The following SDK1 variants were observed in gnomAD, a reference collection of about 807,000 sequenced individuals.
SDK1 encodes protein sidekick-1.
Under a neutral mutation model 245.5 loss-of-function variants are expected in SDK1, and 157 were observed. That is an observed-to-expected ratio of 0.64 (90% CI 0.56 to 0.73). SDK1 has a LOEUF of 0.73. Ranked by LOEUF, SDK1 falls within the 30% of genes least tolerant of loss-of-function variation. SDK1 has a pLI of 0.00. For missense variants in SDK1, 3,583 were observed against 3,002.3 expected (o/e 1.19, Z -4.52); for synonymous variants, 1,647 against 1,278.5 (o/e 1.29, Z -6.15).
At chr7:4,186,894 T>A (rs1428438251) in intron 35 of SDK1, among the ~76,000 whole-genome samples, 1 of 152,166 alleles carries the variant, frequency 6.6e-6, no homozygotes, top group Non-Finnish European at 1.5e-5. Context: ...CTCCAGTTCT[T>A]GCCCTGTGCT....
In SDK1 at chr7:3,974,435, G is replaced by A. The variant is rs1782741962; in HGVS notation, c.1884G>A (p.Lys628=). 6.2e-7 allele frequency: 1 copy of A among 1,614,052 alleles called. No homozygotes were observed. Among genetic ancestry groups the A allele is most frequent in the African/African-American group, 1.3e-5 (1 of 74,906 alleles). ...GCACGTCTAGGATCGTGGTGGAGAA[G>A]GACGGGTCCCTTCTCATCAGCCAGA... ...PSSTSRIVVE[K]DGSLLISQTW... is the part of the protein sequence containing the mutation. Residue 628 remains lysine (K), a synonymous_variant, in exon 13 of 45, where the codon AAG becomes AAA. Transcript: ENST00000404826.
chr7:3,895,570 C>T (rs957167988), intron 5 of SDK1, among the ~76,000 whole-genome samples: 1 of 152,220 alleles, frequency 6.6e-6, no homozygotes, highest in East Asian at 1.9e-4. Context: ...ATGAGGAAGA[C>T]AAGAAGCAAC....
intron 35 of SDK1, among the ~76,000 whole-genome samples, chr7:4,189,538 C>G (rs1244741641): frequency 6.6e-6 from 1 of 152,176 alleles, no homozygotes; most frequent in Non-Finnish European, 1.5e-5. Flanking sequence ...CAGACAGATA[C>G]CCATGCTCAG....
intron 4 of SDK1, among the ~76,000 whole-genome samples, chr7:3,716,788 A>C (rs1449311745): frequency 6.6e-6 from 1 of 151,858 alleles, no homozygotes; most frequent in Non-Finnish European, 1.5e-5. Context: ...AAAAAAGAAA[A>C]AGGAAAAATC....
At chr7:3,432,671 T>G (rs1779890791) in intron 1 of SDK1, among the ~76,000 whole-genome samples, 3 of 152,186 alleles carry the variant, frequency 2.0e-5, no homozygotes, top group Non-Finnish European at 4.4e-5. Flanking sequence ...GTTTGCTGTC[T>G]TCCCAGTGTA....
intron 1 of SDK1, among the ~76,000 whole-genome samples, chr7:3,403,870 A>AT (rs1562466267): frequency 1.3e-4 from 11 of 84,704 alleles, no homozygotes; most frequent in Admixed American, 2.6e-4. Flanking sequence ...TATATATATA[A>AT]TATATATATT....
chr7:3,359,682 G>A (rs372333884), intron 1 of SDK1, among the ~76,000 whole-genome samples: 15 of 152,268 alleles, frequency 9.9e-5, no homozygotes, highest in East Asian at 7.7e-4. Flanking sequence ...CCCGGGTGGC[G>A]CGCTGTGAGG....
intron 4 of SDK1, among the ~76,000 whole-genome samples, chr7:3,666,447 C>G (rs551973219): frequency 6.6e-6 from 1 of 152,308 alleles, no homozygotes; most frequent in South Asian, 2.1e-4. Flanking sequence ...TCATCACTTT[C>G]TCTGAGACCA....
At chr7:4,154,163 A>C (rs1780574993) in intron 30 of SDK1, among the ~76,000 whole-genome samples, 2 of 152,202 alleles carry the variant, frequency 1.3e-5, no homozygotes, top group Non-Finnish European at 1.5e-5. Context: ...GTGGAACTTA[A>C]GCTATGTCCT....
At chr7:3,719,252 T>C (rs1213480200) in intron 4 of SDK1, among the ~76,000 whole-genome samples, 1 of 151,928 alleles carries the variant, frequency 6.6e-6, no homozygotes, top group Non-Finnish European at 1.5e-5. Flanking sequence ...AGGTTTTTTT[T>C]TTTTTTTTTT....
intron 2 of SDK1, among the ~76,000 whole-genome samples, chr7:3,637,190 C>T (rs1038988422): frequency 1.3e-4 from 20 of 152,140 alleles, no homozygotes; most frequent in Middle Eastern, 3.4e-3. Context: ...CTCCGCCTCC[C>T]GAGTTCAAGT....
intron 17 of SDK1, among the ~76,000 whole-genome samples, chr7:4,041,288 C>CTTTT (rs58871072): frequency 0.19 from 26,549 of 141,706 alleles, 3,129 homozygotes; most frequent in African/African-American, 0.34. Flanking sequence ...TTTTGTTTTA[C>CTTTT]TTTTTTTTTT....
At chr7:3,996,061 C>G (rs1784675160) in intron 14 of SDK1, among the ~76,000 whole-genome samples, 3 of 150,428 alleles carry the variant, frequency 2.0e-5, no homozygotes, top group Admixed American at 2.0e-4. Flanking sequence ...ATATTTAACT[C>G]TCTAATTTTT....
intron 41 of SDK1, among the ~76,000 whole-genome samples, chr7:4,234,714 G>T (rs1786037424): frequency 6.6e-6 from 1 of 152,186 alleles, no homozygotes. Context: ...CCCAGACAGT[G>T]ACTTCCGTGG....
chr7:3,355,686 C>CGGGT (rs1157175982), intron 1 of SDK1, among the ~76,000 whole-genome samples: 1 of 152,186 alleles, frequency 6.6e-6, no homozygotes, highest in East Asian at 1.9e-4. Context: ...TTCCTGCAGA[C>CGGGT]ACCCGTCATT....
intron 1 of SDK1, among the ~76,000 whole-genome samples, chr7:3,543,547 A>G (rs1779116964): frequency 1.3e-5 from 2 of 152,228 alleles, no homozygotes; most frequent in African/African-American, 4.8e-5. Context: ...GGGAATAAGG[A>G]TGACACATAG....
intron 40 of SDK1, among the ~76,000 whole-genome samples, chr7:4,227,790 C>T (rs1286664519): frequency 2.0e-5 from 3 of 152,200 alleles, no homozygotes; most frequent in South Asian, 2.1e-4. Context: ...CGACGTGCTG[C>T]GCTGGGCTCC....
intron 35 of SDK1, among the ~76,000 whole-genome samples, chr7:4,201,514 T>C (rs1188091177): frequency 6.6e-6 from 1 of 152,206 alleles, no homozygotes; most frequent in Non-Finnish European, 1.5e-5. Flanking sequence ...ACATTGATTC[T>C]CAAATTATCC....
At chr7:3,357,955 T>A (rs1780850217) in intron 1 of SDK1, among the ~76,000 whole-genome samples, 1 of 152,162 alleles carries the variant, frequency 6.6e-6, no homozygotes, top group Non-Finnish European at 1.5e-5. Flanking sequence ...TGTAGCATAA[T>A]AAAACTTTAA....
Sources: allele counts gnomAD v4.1 joint callset (sites outside exome capture counted in the v4.1 genomes callset), GRCh38; gene constraint gnomAD v4.1.1; transcripts MANE v1.5; gene names NCBI Gene and HGNC (gene_info 2026-07-23, HGNC 2026-07-21).